The following YARS1 variants were observed in gnomAD, a reference collection of about 807,000 sequenced individuals.
YARS1 encodes the protein tyrosine--tRNA ligase, cytoplasmic.
Under a neutral mutation model 62.2 loss-of-function variants are expected in YARS1, and 36 were observed. The observed-to-expected ratio is 0.58, with a 90% CI of 0.44 to 0.76. YARS1 has a LOEUF of 0.76. YARS1 is among the 30% of genes least tolerant of loss of function. The probability of loss-of-function intolerance (pLI) is 0.00; values close to 1 mark genes in which losing one functional copy is unlikely to be tolerated. For missense variants in YARS1, 524 were observed against 639.8 expected (o/e 0.82, Z 1.95); for synonymous variants, 234 against 244.9 (o/e 0.96, Z 0.42).
intron 1 of YARS1, among the ~76,000 whole-genome samples, chr1:32,812,969 CAAA>C (rs371599312): frequency 2.2e-5 from 2 of 90,014 alleles, no homozygotes; most frequent in East Asian, 3.7e-4. Flanking sequence ...ACTCTGTCTC[CAAA>C]AAAAAAAAAA....
chr1:32,797,861 T>G lies in YARS1; in HGVS notation c.511-18A>C, dbSNP rs748245322. 3 of 1,607,294 alleles carry G rather than the reference T, an allele frequency of 1.9e-6. No homozygotes were observed. Among genetic ancestry groups the G allele is most frequent in the Non-Finnish European group, 2.6e-6 (3 of 1,174,254 alleles). ...TCCAAAGCCTGTGGAAAGAAACACATGAACATAAACATCTACTTTATTTTT... is the reference window on the plus strand; with the variant it reads ...TCCAAAGCCTGTGGAAAGAAACACAGGAACATAAACATCTACTTTATTTTT... On this transcript the variant is annotated intron_variant, in intron 4 of 12. Transcript: ENST00000373477.
At chr1:32,801,942 C>CTTTTTTTTTTTT (rs34270752) in intron 4 of YARS1, among the ~76,000 whole-genome samples, 32 of 103,886 alleles carry the variant, frequency 3.1e-4, no homozygotes, top group African/African-American at 3.9e-4. Flanking sequence ...CTTGTTATTT[C>CTTTTTTTTTTTT]TTTTTTTTTT....
intron 5 of YARS1, 39 bp downstream of exon 5, chr1:32,797,724 G>A: frequency 6.5e-7 from 1 of 1,543,416 alleles, no homozygotes; most frequent in Non-Finnish European, 9.0e-7. Context: ...GCATACCTCT[G>A]AGGTGCAAGT....
chr1:32,779,781 G>A (rs189375183), intron 11 of YARS1: 8 of 615,634 alleles, frequency 1.3e-5, no homozygotes, highest in Admixed American at 8.8e-5. Context: ...ATAACGTAGC[G>A]AGGACTTTAT....
chr1:32,785,616 CTT>C (rs1259370924), intron 8 of YARS1, among the ~76,000 whole-genome samples: 1 of 151,540 alleles, frequency 6.6e-6, no homozygotes, highest in Non-Finnish European at 1.5e-5. Flanking sequence ...GAGTTTCACT[CTT>C]GTTGCCCAGG....
chr1:32,801,435 G>A lies in YARS1; in HGVS notation c.511-3592C>T, dbSNP rs532531919. Among the ~76,000 whole-genome samples, 25 of 152,212 alleles carry A rather than the reference G, an allele frequency of 1.6e-4. No individual in the cohort carries two copies. The South Asian group carries it at 4.2e-3, about 25-fold the overall frequency. On this transcript the variant is annotated intron_variant, in intron 4 of 12. Transcript: ENST00000373477. ...ACGTACATACTTTAATTTGGTTAAG[G>A]TATGGCTAAAAATGCTAACGATCAT...
At chr1:32,781,980 AT>A (rs772679724) in intron 9 of YARS1, 1,533 of 144,238 alleles carry the variant, frequency 0.011, 1 homozygote, top group South Asian at 0.025. Context: ...TGCCTGGCTA[AT>A]TTTTTTTTTT....
intron 4 of YARS1, among the ~76,000 whole-genome samples, chr1:32,802,933 C>G (rs1307223771): frequency 6.6e-6 from 1 of 151,588 alleles, no homozygotes; most frequent in African/African-American, 2.4e-5. Context: ...CTGCCTCAGC[C>G]TTCCGAGTAG....
Position 32,786,826 on chromosome 1 carries a change from A to T in YARS1, c.820+114T>A. 3 of 1,374,482 alleles carry T rather than the reference A, an allele frequency of 2.2e-6. No individual in the cohort carries two copies. The South Asian group carries it at 3.8e-5, about 17-fold the overall frequency. The allele number at this position is 1,374,482 out of a possible 1,614,324, so 85.1% of individuals were successfully genotyped here. On this transcript the variant is annotated intron_variant, in intron 7 of 12. Transcript: ENST00000373477. ...TTTAATATATAAGAAATCAGAGCAG[A>T]GAATCAGGGCAGCCAGTCCCTGAAG...
chr1:32,781,438 G>A, intron 9 of YARS1: 3 of 413,282 alleles, frequency 7.3e-6, no homozygotes, highest in South Asian at 4.3e-5. Flanking sequence ...CTGAGTCTTG[G>A]CCAGGTGTGG....
At chr1:32,789,779 G>A (rs544336558) in intron 6 of YARS1, among the ~76,000 whole-genome samples, 22 of 151,876 alleles carry the variant, frequency 1.4e-4, no homozygotes, top group Admixed American at 1.3e-3. Flanking sequence ...TAGTAGAGAA[G>A]GGGTTTCACC....
At chr1:32,807,914 G>GT (rs1638498076) in intron 3 of YARS1, among the ~76,000 whole-genome samples, 2 of 152,018 alleles carry the variant, frequency 1.3e-5, no homozygotes, top group East Asian at 3.9e-4. Flanking sequence ...CTATTTCCAT[G>GT]TTTTTTTGTT....
intron 4 of YARS1, among the ~76,000 whole-genome samples, chr1:32,805,855 C>T (rs1380232517): frequency 1.3e-5 from 2 of 152,044 alleles, no homozygotes; most frequent in African/African-American, 2.4e-5. Flanking sequence ...CCCAGCTACT[C>T]GGGAGGCTGA....
intron 5 of YARS1, among the ~76,000 whole-genome samples, chr1:32,795,040 C>T (rs1011266268): frequency 2.9e-5 from 4 of 139,550 alleles, no homozygotes; most frequent in Non-Finnish European, 6.3e-5. Context: ...ATGAGTTTTG[C>T]CAGGCGCGGT....
chr1:32,776,684 T>C lies in YARS1; in HGVS notation c.1477-593A>G, dbSNP rs555209763. On this transcript the variant is annotated intron_variant, in intron 12 of 12. Transcript: ENST00000373477. The surrounding 1 kb of genome is among the most constrained non-coding windows in gnomAD (Gnocchi z 4.0). ...AATGTCTAATAAGAGTTTAGTTAGA[T>C]TGCCGGGCGTGGTGGCTCACACCTA... Among the ~76,000 whole-genome samples the C allele has an allele frequency of 4.6e-5, 7 of 152,254 alleles. No homozygotes were observed. The highest frequency in any genetic ancestry group is 2.1e-4 in the South Asian group (1 of 4,816).
chr1:32,810,850 T>A (rs1638568582), intron 2 of YARS1, 61 bp downstream of exon 2: 1 of 1,614,070 alleles, frequency 6.2e-7, no homozygotes, highest in Middle Eastern at 1.6e-4. Flanking sequence ...CCTGTCCTTG[T>A]TAAGTCTCTC....
At chr1:32,815,350 A>G (rs191419196) in intron 1 of YARS1, among the ~76,000 whole-genome samples, 4 of 152,306 alleles carry the variant, frequency 2.6e-5, no homozygotes, top group African/African-American at 7.2e-5. Context: ...ACTCCGTTCC[A>G]GAAAAAAAAT....
chr1:32,811,405 G>T, intron 1 of YARS1: 1 of 365,038 alleles, frequency 2.7e-6, no homozygotes. Flanking sequence ...AGCTATAGCC[G>T]CAGTTCCCAG....
chr1:32,795,894 T>G (rs1463615769), intron 5 of YARS1, among the ~76,000 whole-genome samples: 1 of 151,750 alleles, frequency 6.6e-6, no homozygotes, highest in East Asian at 1.9e-4. Context: ...CCTTAAACAA[T>G]GTAAAAACCA....
Sources: gnomAD v4.1 joint callset for allele counts (sites outside exome capture counted in the v4.1 genomes callset) on GRCh38, gnomAD v4.1.1 for gene constraint, Gnocchi (gnomAD v3.1) non-coding constraint, MANE v1.5 for transcripts, NCBI Gene and HGNC (gene_info 2026-07-23, HGNC 2026-07-21) for gene names.